The following CDH8 variants were observed in gnomAD, a reference collection of about 807,000 sequenced individuals.
The protein encoded by CDH8 is cadherin-8.
CDH8 carries 17 observed loss-of-function variants against 68.1 expected under a neutral mutation model. The observed-to-expected ratio is 0.25, with a 90% CI of 0.17 to 0.37. CDH8 has a LOEUF of 0.37. Among genes scored for constraint, CDH8 ranks in the 10% least tolerant of loss-of-function variants. The pLI, the probability that CDH8 is intolerant of heterozygous loss-of-function variation, is 1.00. For missense variants in CDH8, 763 were observed against 999.3 expected (o/e 0.76, Z 3.19); for synonymous variants, 372 against 365.1 (o/e 1.02, Z -0.21).
chr16:61,809,909 C>A (rs981478330), intron 7 of CDH8, among the ~76,000 whole-genome samples: 3 of 152,162 alleles, frequency 2.0e-5, no homozygotes, highest in African/African-American at 4.8e-5. Context: ...ACCCGGTCAC[C>A]CTATCTTTAG....
chr16:61,742,504 A>G (rs1474260923), intron 8 of CDH8, among the ~76,000 whole-genome samples: 4 of 152,270 alleles, frequency 2.6e-5, no homozygotes, highest in East Asian at 1.9e-4. Context: ...TGTTTTATCA[A>G]ATTAAGTCCC....
chr16:61,999,218 G>C (rs963781778), intron 2 of CDH8, among the ~76,000 whole-genome samples: 2 of 152,116 alleles, frequency 1.3e-5, no homozygotes, highest in African/African-American at 4.8e-5. Flanking sequence ...AAAATATAAA[G>C]ATTACCAAAT....
chr16:61,754,381 T>G (rs974281231), intron 8 of CDH8, among the ~76,000 whole-genome samples: 1 of 152,162 alleles, frequency 6.6e-6, no homozygotes, highest in East Asian at 1.9e-4. Context: ...AATCACTAGA[T>G]GAATGAATGA....
At chr16:62,027,787 T>G (rs1902229036) in intron 1 of CDH8, among the ~76,000 whole-genome samples, 1 of 152,158 alleles carries the variant, frequency 6.6e-6, no homozygotes, top group Non-Finnish European at 1.5e-5. Context: ...TTGCATTTAT[T>G]CAAATATAAA....
chr16:61,733,431 C>T (rs1959589173), intron 8 of CDH8, among the ~76,000 whole-genome samples: 1 of 151,668 alleles, frequency 6.6e-6, no homozygotes, highest in Non-Finnish European at 1.5e-5. Flanking sequence ...TGACATCTTA[C>T]ATGTTATTTG....
At chr16:61,982,295 A>C (rs925282272) in intron 2 of CDH8, among the ~76,000 whole-genome samples, 4 of 152,020 alleles carry the variant, frequency 2.6e-5, no homozygotes, top group East Asian at 3.9e-4. Context: ...TCTCGGCTCA[A>C]TGCAAGCTCC....
chr16:61,828,721 C>A (rs1962394695), intron 4 of CDH8, among the ~76,000 whole-genome samples: 1 of 151,752 alleles, frequency 6.6e-6, no homozygotes, highest in Admixed American at 6.6e-5. Context: ...CCAATGCTGC[C>A]CTCATAATTG....
chr16:61,928,338 T>C (rs77195676), intron 2 of CDH8, among the ~76,000 whole-genome samples: 6,955 of 152,304 alleles, frequency 0.046, 528 homozygotes, highest in African/African-American at 0.16. Flanking sequence ...AAAGGAATTC[T>C]ATTACATAAT....
chr16:62,025,942 G>A (rs1902188980), intron 1 of CDH8, among the ~76,000 whole-genome samples: 1 of 151,776 alleles, frequency 6.6e-6, no homozygotes, highest in African/African-American at 2.4e-5. Context: ...TAAAGTACAG[G>A]GAGATTAGTA....
intron 8 of CDH8, among the ~76,000 whole-genome samples, chr16:61,782,320 G>A (rs937290766): frequency 6.6e-6 from 1 of 152,214 alleles, no homozygotes; most frequent in Non-Finnish European, 1.5e-5. Context: ...GTCAAAGAAA[G>A]GGGTGACGGA....
intron 2 of CDH8, among the ~76,000 whole-genome samples, chr16:62,009,350 T>C (rs752109451): frequency 6.6e-6 from 1 of 152,128 alleles, no homozygotes; most frequent in Non-Finnish European, 1.5e-5. Flanking sequence ...AAAAGACTTA[T>C]AAAGTTACAA....
chr16:62,025,664 T>C (rs1460113933), intron 1 of CDH8, among the ~76,000 whole-genome samples: 1 of 152,204 alleles, frequency 6.6e-6, no homozygotes, highest in African/African-American at 2.4e-5. Context: ...TCTTAAATCA[T>C]CTGTATTATT....
intron 7 of CDH8, among the ~76,000 whole-genome samples, chr16:61,793,083 T>TA (rs1961416207): frequency 6.6e-6 from 1 of 151,766 alleles, no homozygotes; most frequent in African/African-American, 2.4e-5. Flanking sequence ...AGTTCCCTTA[T>TA]AAAAAAGACC....
chr16:61,815,321 T>A (rs1398804132), intron 7 of CDH8, among the ~76,000 whole-genome samples: 2 of 152,208 alleles, frequency 1.3e-5, no homozygotes, highest in South Asian at 2.1e-4. Context: ...AACTAGCAAC[T>A]ACAATGAGAA....
intron 10 of CDH8, among the ~76,000 whole-genome samples, chr16:61,690,762 ATATT>A (rs1251496482): frequency 2.0e-5 from 3 of 152,048 alleles, no homozygotes; most frequent in South Asian, 4.1e-4. Flanking sequence ...TATGATGAAT[ATATT>A]TATATAACTC....
At chr16:61,932,215 A>C (rs1285614777) in intron 2 of CDH8, among the ~76,000 whole-genome samples, 2 of 151,078 alleles carry the variant, frequency 1.3e-5, no homozygotes. Flanking sequence ...CTCAAAAAAA[A>C]AAAAAAAGAA....
chr16:61,769,792 A>T (rs967486410), intron 8 of CDH8, among the ~76,000 whole-genome samples: 6 of 152,104 alleles, frequency 3.9e-5, no homozygotes, highest in African/African-American at 1.4e-4. Context: ...CTTCATGGCC[A>T]AACTACACTG....
intron 8 of CDH8, among the ~76,000 whole-genome samples, chr16:61,779,103 G>A (rs1315147692): frequency 6.6e-6 from 1 of 152,112 alleles, no homozygotes; most frequent in Non-Finnish European, 1.5e-5. Flanking sequence ...ATACTTTCAG[G>A]TAACCAATAG....
rs78418028 is a variant in CDH8, at chr16:61,764,264, C to A, written c.1414+25082G>T. On this transcript the variant is annotated intron_variant, in intron 8 of 11. Transcript: ENST00000577390. ...AAACTCCAACAAAGATCTCTCTGCC[C>A]AAAACTGTTTTCTTCAATGAAAGAA... Among the ~76,000 whole-genome samples the A allele has an allele frequency of 2.8e-4, 42 of 152,000 alleles. 1 individual carries two copies. The East Asian group carries it at 7.8e-3, about 28-fold the overall frequency.
Sources: gnomAD v4.1 joint callset for allele counts (sites outside exome capture counted in the v4.1 genomes callset) on GRCh38, gnomAD v4.1.1 for gene constraint, MANE v1.5 for transcripts, NCBI Gene and HGNC (gene_info 2026-07-23, HGNC 2026-07-21) for gene names.